The following CNNM1 variants were observed in gnomAD, a reference collection of about 807,000 sequenced individuals.
CNNM1 encodes cyclin and CBS domain divalent metal cation transport mediator 1.
A neutral mutation model predicts 78.8 loss-of-function variants in CNNM1; 44 were observed. The ratio of observed to expected loss-of-function variants is 0.56; its 90% confidence interval spans 0.44 to 0.72. The LOEUF (loss-of-function observed/expected upper bound fraction) is 0.72, where lower values mean the gene tolerates loss of function less well. Ranked by LOEUF, CNNM1 falls within the 30% of genes least tolerant of loss-of-function variation. The pLI is 0.00. For missense variants in CNNM1, 1,101 were observed against 1,292.2 expected (o/e 0.85, Z 2.27); for synonymous variants, 584 against 581.5 (o/e 1.00, Z -0.06).
chr10:99,360,967 T>A lies in CNNM1; in HGVS notation c.1850T>A (p.Met617Lys). 6.2e-7 allele frequency: 1 copy of A among 1,607,290 alleles called. No individual in the cohort carries two copies. The highest frequency in any genetic ancestry group is 8.5e-7 in the Non-Finnish European group (1 of 1,175,318). The change falls in exon 3 of 11, where the codon ATG becomes AAG. Residue 617 changes from methionine (M) to lysine (K), a missense_variant. By Grantham distance (95) the Met-to-Lys change is moderately conservative (BLOSUM62 -1). Around this residue, in one of 3 missense-constraint regions of CNNM1, gnomAD observed 277 missense variants for 423.2 expected, o/e 0.65. Coordinates refer to ENST00000356713, the MANE Select transcript of CNNM1 (RefSeq NM_020348.3). ...CTTCTGCTAGCCACACACCGCTTCATGGCCACAGGTAGGACAAGTCTCCAC... is the reference window on the plus strand; with the variant it reads ...CTTCTGCTAGCCACACACCGCTTCAAGGCCACAGGTAGGACAAGTCTCCAC... ...PQLLLATHRF[M>K]ATEVEPFKSL...
Position 99,357,627 on chromosome 10 carries a change from G to A in CNNM1, c.1689G>A (p.Ser563=), listed in dbSNP as rs200336754. The part of the protein sequence containing the change: ...LEDIIEEIIK[S]EILDETDLYT... The stretch of plus-strand genomic sequence containing the variant: ...ATATCATAGAGGAGATTATCAAGTC[G>A]GAGATCCTGGATGAAACTGATCTCT... Residue 563 remains serine, a synonymous_variant, in exon 2 of 11, where the codon TCG becomes TCA. Transcript: ENST00000356713. The A allele has an allele frequency of 8.5e-5, 137 of 1,612,390 alleles. No individual in the cohort carries two copies. The highest frequency in any genetic ancestry group is 5.9e-5 in the Non-Finnish European group (70 of 1,179,232).
Position 99,330,556 on chromosome 10 carries a change from C to A in CNNM1, c.1169C>A (p.Thr390Asn). The change falls in exon 1 of 11, where the codon ACC becomes AAC. Residue 390 changes from threonine to asparagine, a missense_variant. Around this residue, in one of 3 missense-constraint regions of CNNM1, gnomAD observed 277 missense variants for 423.2 expected, o/e 0.65. Coordinates refer to ENST00000356713, the MANE Select transcript of CNNM1 (RefSeq NM_020348.3). ...TGGGCGCTGCGCCAGGAGATAAGCACCTTCTACACGCGGGAGAAGTTGCTG... is the reference window on the plus strand; with the variant it reads ...TGGGCGCTGCGCCAGGAGATAAGCAACTTCTACACGCGGGAGAAGTTGCTG... ...LDWALRQEIS[T>N]FYTREKLLET... 6.2e-7 allele frequency: 1 copy of A among 1,604,316 alleles called. No individual in the cohort carries two copies. The highest frequency in any genetic ancestry group is 1.3e-5 in the African/African-American group (1 of 74,800).
chr10:99,345,322 C>A lies in CNNM1; in HGVS notation c.1574-12190C>A, dbSNP rs190219944. 1.4e-4 allele frequency among the ~76,000 whole-genome samples: 21 copies of A among 152,298 alleles called. No homozygotes were observed. The East Asian group carries it at 4.1e-3, about 29-fold the overall frequency. On this transcript the variant is annotated intron_variant, in intron 1 of 10. Transcript: ENST00000356713. Reference sequence around the variant, plus strand: ...AATGATATGGAGAACACTGACGAATCTGTAGGCTGTCTTCAGCTGCAATGA... The same window carrying A: ...AATGATATGGAGAACACTGACGAATATGTAGGCTGTCTTCAGCTGCAATGA...
chr10:99,391,596 C>T lies in CNNM1; in HGVS notation c.*80C>T. On this transcript the variant is annotated 3_prime_UTR_variant, in exon 11 of 11. Coordinates refer to ENST00000356713, the MANE Select transcript of CNNM1 (RefSeq NM_020348.3). ...ATCCACCCTCCCATCATCTGCTTCC[C>T]CCAAGGCCTCCCACAGGTGACAGAA... 8.8e-7 allele frequency: 1 copy of T among 1,136,894 alleles called. No individual in the cohort carries two copies. 70.4% of individuals were successfully genotyped at this position (1,136,894 alleles called of 1,614,324 possible). A position where few individuals can be genotyped will look rare whatever the true frequency, so the allele number is the denominator to read the frequency against.
intron 1 of CNNM1, among the ~76,000 whole-genome samples, chr10:99,352,912 A>T (rs1424494944): frequency 1.3e-5 from 2 of 151,644 alleles, no homozygotes; most frequent in Middle Eastern, 3.2e-3. Flanking sequence ...CTAAGAAATC[A>T]ATCTCTAAGG....
chr10:99,351,246 T>A (rs2030935272), intron 1 of CNNM1, among the ~76,000 whole-genome samples: 1 of 152,150 alleles, frequency 6.6e-6, no homozygotes, highest in African/African-American at 2.4e-5. Flanking sequence ...AAGAGCCTAA[T>A]AGGTAATGTG....
intron 2 of CNNM1, among the ~76,000 whole-genome samples, chr10:99,359,760 C>T (rs1001578382): frequency 6.6e-6 from 1 of 152,100 alleles, no homozygotes; most frequent in South Asian, 2.1e-4. Flanking sequence ...TTGCACCAGA[C>T]GTTCCCCCAC....
intron 7 of CNNM1, among the ~76,000 whole-genome samples, chr10:99,384,485 TC>T (rs1405125212): frequency 4.5e-5 from 6 of 134,790 alleles, no homozygotes; most frequent in African/African-American, 1.6e-4. Flanking sequence ...CTCCAGCCCC[TC>T]CCCCTCCCCA....
intron 6 of CNNM1, among the ~76,000 whole-genome samples, chr10:99,374,407 C>T (rs1346059969): frequency 1.3e-5 from 2 of 152,150 alleles, no homozygotes; most frequent in Non-Finnish European, 2.9e-5. Flanking sequence ...TGGCCTCTTC[C>T]TCAAGTTACT....
intron 7 of CNNM1, among the ~76,000 whole-genome samples, chr10:99,385,223 C>A (rs2032273547): frequency 6.6e-6 from 1 of 152,130 alleles, no homozygotes; most frequent in Non-Finnish European, 1.5e-5. Flanking sequence ...CTTATAGGGG[C>A]CCTGAGCCAG....
chr10:99,357,751 G>C, intron 2 of CNNM1, 96 bp downstream of exon 2: 3 of 1,284,306 alleles, frequency 2.3e-6, no homozygotes, highest in Non-Finnish European at 3.1e-6. Context: ...GGGTGTCAGG[G>C]CAAACCCTGT....
At chr10:99,338,447 T>G (rs1057051989) in intron 1 of CNNM1, among the ~76,000 whole-genome samples, 3 of 152,028 alleles carry the variant, frequency 2.0e-5, no homozygotes, top group Admixed American at 6.5e-5. Flanking sequence ...CCCGGCTAAA[T>G]TTTTGTATTT....
intron 6 of CNNM1, among the ~76,000 whole-genome samples, chr10:99,370,369 G>A (rs1257592241): frequency 6.6e-6 from 1 of 152,138 alleles, no homozygotes; most frequent in South Asian, 2.1e-4. Context: ...GAGCAATGGT[G>A]GGTACAGTGG....
chr10:99,358,081 A>T (rs1477904262), intron 2 of CNNM1, among the ~76,000 whole-genome samples: 1 of 152,208 alleles, frequency 6.6e-6, no homozygotes, highest in Non-Finnish European at 1.5e-5. Context: ...CGCAGTGAGC[A>T]GTGGAGACTG....
chr10:99,362,591 G>C (rs1311042824), intron 4 of CNNM1, among the ~76,000 whole-genome samples, 195 bp downstream of exon 4: 1 of 152,156 alleles, frequency 6.6e-6, no homozygotes, highest in Non-Finnish European at 1.5e-5. Flanking sequence ...GGGAGTGCTG[G>C]GATCTTTGAC....
chr10:99,353,958 C>G (rs577370874), intron 1 of CNNM1, among the ~76,000 whole-genome samples: 1 of 152,172 alleles, frequency 6.6e-6, no homozygotes, highest in South Asian at 2.1e-4. Flanking sequence ...AATTATAGTA[C>G]TCTTTGTAAA....
In CNNM1 at chr10:99,329,764, G is replaced by T. The variant is rs1850557299; in HGVS notation, c.377G>T (p.Arg126Leu). The change falls in exon 1 of 11, where the codon CGC (arginine) becomes CTC (leucine). Residue 126 changes from arginine (R) to leucine (L), a missense_variant. Coordinates refer to ENST00000356713, the MANE Select transcript of CNNM1 (RefSeq NM_020348.3). ...GGVAPSAVPT[R>L]PPGPQRCREQ... ...GTGGCCCCCAGCGCGGTCCCCACTC[G>T]CCCCCCGGGACCGCAGCGCTGCAGG... The T allele has an allele frequency of 1.3e-6, 2 of 1,496,476 alleles. No individual in the cohort carries two copies. Among genetic ancestry groups the T allele is most frequent in the South Asian group, 1.3e-5 (1 of 79,174 alleles). 92.7% of individuals were successfully genotyped at this position (1,496,476 alleles called of 1,614,324 possible).
intron 1 of CNNM1, among the ~76,000 whole-genome samples, chr10:99,339,428 C>A (rs2030337760): frequency 6.6e-6 from 1 of 152,172 alleles, no homozygotes; most frequent in South Asian, 2.1e-4. Context: ...AGAATGGTAC[C>A]AGTTTGTGGC....
intron 1 of CNNM1, among the ~76,000 whole-genome samples, chr10:99,332,251 C>T (rs1293743380): frequency 6.6e-6 from 1 of 151,978 alleles, no homozygotes; most frequent in Non-Finnish European, 1.5e-5. Context: ...GTAGAACTTC[C>T]CAGAATGACT....
Sources: gnomAD v4.1 joint callset for allele counts (sites outside exome capture counted in the v4.1 genomes callset) on GRCh38, gnomAD v4.1.1 for gene constraint, gnomAD v4.1.1 regional missense constraint, MANE v1.5 for transcripts, NCBI Gene and HGNC (gene_info 2026-07-23, HGNC 2026-07-21) for gene names.